The following ZNF148 variants were observed in gnomAD, a reference collection of about 807,000 sequenced individuals.
ZNF148 encodes the protein Beta-Enolase Repressor Factor-1.
In ZNF148, 7 loss-of-function variants were observed where a neutral mutation model predicts 67.7. That is an observed-to-expected ratio of 0.10 (90% CI 0.06 to 0.19). The LOEUF (loss-of-function observed/expected upper bound fraction) is 0.19. Among genes scored for constraint, ZNF148 ranks in the 10% least tolerant of loss-of-function variants. ZNF148 has a pLI of 1.00. For missense variants in ZNF148, 583 were observed against 947.1 expected, an observed-to-expected ratio of 0.62 and a Z score of 5.05; for synonymous variants, 333 against 330.7, an observed-to-expected ratio of 1.01 and a Z score of -0.08.
At chr3:125,310,485 A>G (rs1253619322) in intron 4 of ZNF148, among the ~76,000 whole-genome samples, 1 of 152,176 alleles carries the variant, frequency 6.6e-6, no homozygotes. Flanking sequence ...CTTAGAGGAA[A>G]ATTTATAGTA....
intron 4 of ZNF148, among the ~76,000 whole-genome samples, chr3:125,309,296 T>C (rs1198779186): frequency 6.6e-6 from 1 of 152,112 alleles, no homozygotes; most frequent in Non-Finnish European, 1.5e-5. Context: ...ATAACCCAGG[T>C]ATTGAGAACA....
chr3:125,354,227 T>C (rs1170446586), intron 1 of ZNF148, among the ~76,000 whole-genome samples: 3 of 152,094 alleles, frequency 2.0e-5, no homozygotes, highest in Non-Finnish European at 2.9e-5. Context: ...TTTAAGGAAA[T>C]CTTTGCTCAT....
At chr3:125,333,722 T>A (rs1308294152) in intron 1 of ZNF148, among the ~76,000 whole-genome samples, 1 of 152,240 alleles carries the variant, frequency 6.6e-6, no homozygotes, top group East Asian at 1.9e-4. Flanking sequence ...GGCTAAATAA[T>A]CTTTGATTAT....
chr3:125,349,919 A>G (rs1942076253), intron 1 of ZNF148, among the ~76,000 whole-genome samples: 2 of 152,234 alleles, frequency 1.3e-5, no homozygotes, highest in African/African-American at 4.8e-5. Flanking sequence ...AAAGAAAGAA[A>G]TCATTATACC....
chr3:125,368,396 A>G (rs1248449858), intron 1 of ZNF148, among the ~76,000 whole-genome samples: 1 of 152,216 alleles, frequency 6.6e-6, no homozygotes, highest in Non-Finnish European at 1.5e-5. Context: ...CTAACTAACT[A>G]CATGTGAAGC....
chr3:125,259,462 A>G (rs913724765), intron 7 of ZNF148, among the ~76,000 whole-genome samples: 2 of 152,250 alleles, frequency 1.3e-5, no homozygotes, highest in Non-Finnish European at 2.9e-5. Flanking sequence ...AACATTAAAC[A>G]TACAGGCATA....
At chr3:125,251,505 C>G (rs1390784947) in intron 7 of ZNF148, among the ~76,000 whole-genome samples, 1 of 152,192 alleles carries the variant, frequency 6.6e-6, no homozygotes, top group African/African-American at 2.4e-5. Flanking sequence ...AGAAGCACCT[C>G]CACCCCTTTT....
chr3:125,267,818 T>A (rs1937568550), intron 7 of ZNF148, among the ~76,000 whole-genome samples: 2 of 152,168 alleles, frequency 1.3e-5, no homozygotes, highest in Admixed American at 1.3e-4. Context: ...TGATTCAGTA[T>A]CTAGAAAGCC....
intron 5 of ZNF148, among the ~76,000 whole-genome samples, chr3:125,281,998 T>C (rs773017355): frequency 6.6e-5 from 10 of 152,204 alleles, no homozygotes; most frequent in Non-Finnish European, 1.5e-4. Context: ...TAGTGGAGAC[T>C]CTATACCTGT....
chr3:125,298,865 G>T (rs1370967942), intron 4 of ZNF148, among the ~76,000 whole-genome samples: 1 of 152,000 alleles, frequency 6.6e-6, no homozygotes, highest in African/African-American at 2.4e-5. Flanking sequence ...CTGACCTCGT[G>T]ATCCGTCCGC....
At chr3:125,336,188 C>T (rs1223421346) in intron 1 of ZNF148, among the ~76,000 whole-genome samples, 20 of 152,154 alleles carry the variant, frequency 1.3e-4, no homozygotes, top group South Asian at 4.1e-4. Flanking sequence ...AAAAAGGCTA[C>T]CTCTGCCCTT....
intron 1 of ZNF148, among the ~76,000 whole-genome samples, chr3:125,361,597 C>G (rs1942543827): frequency 6.6e-6 from 1 of 152,048 alleles, no homozygotes; most frequent in Non-Finnish European, 1.5e-5. Flanking sequence ...TTTAGGAGGC[C>G]AAAGCAGGTG....
intron 2 of ZNF148, among the ~76,000 whole-genome samples, chr3:125,326,950 A>G (rs1305879618): frequency 6.6e-6 from 1 of 151,298 alleles, no homozygotes; most frequent in African/African-American, 2.4e-5. Context: ...TGAATGGTCT[A>G]AATAGTCCAG....
chr3:125,227,463 A>C lies in ZNF148; in HGVS notation c.*4878T>G, dbSNP rs1935687279. 6.6e-6 allele frequency: 1 copy of C among 152,592 alleles called. No homozygotes were observed. The highest frequency in any genetic ancestry group is 1.5e-5 in the Non-Finnish European group (1 of 68,014). The allele number at this position is 152,592 out of a possible 1,614,324, so 9.5% of individuals were successfully genotyped here. On this transcript the variant is annotated 3_prime_UTR_variant, in exon 9 of 9. Transcript: ENST00000360647. ...CACCATCAGGATTTCCATCACACAC[A>C]TTTAATTTCTTCTGTACAATGTTTA...
intron 4 of ZNF148, chr3:125,310,961 G>A (rs965914709): frequency 5.0e-6 from 1 of 201,094 alleles, no homozygotes; most frequent in East Asian, 1.1e-4. Context: ...ATGCAGCTCC[G>A]TTTTGCCCCA....
intron 7 of ZNF148, among the ~76,000 whole-genome samples, chr3:125,268,608 A>G (rs1937593605): frequency 2.0e-5 from 3 of 152,216 alleles, no homozygotes. Flanking sequence ...AAATCCTGGA[A>G]GAAAACCTAG....
intron 1 of ZNF148, among the ~76,000 whole-genome samples, chr3:125,353,158 C>A (rs1011466720): frequency 2.0e-5 from 3 of 152,124 alleles, no homozygotes; most frequent in Admixed American, 1.3e-4. Context: ...ACTAAAAGTT[C>A]TTTAACAAGT....
At position 125,232,495 on chromosome 3, in the gene ZNF148, A is replaced by C; in HGVS notation, c.2231T>G (p.Ile744Arg). The change falls in exon 9 of 9, where the codon ATA becomes AGA. Residue 744 changes from isoleucine (I) to arginine (R), a missense_variant. Transcript: ENST00000360647. This position sits in a 1 kb window ranked among gnomAD's most constrained non-coding sequence, Gnocchi z 4.2. The part of the protein sequence containing the change: ...RAPYHGSRAG[I>R]ATQFSTANGQ... ...ATTGGCAGTGCTAAATTGAGTAGCT[A>C]TTCCAGCTCTTGATCCATGATAGGG... The C allele has an allele frequency of 6.2e-7, 1 of 1,613,698 alleles. No homozygotes were observed. Among genetic ancestry groups the C allele is most frequent in the Non-Finnish European group, 8.5e-7 (1 of 1,179,744 alleles).
rs114233873 is a variant in ZNF148 at position 125,240,819 on chromosome 3, C to T, written c.668-6490G>A. Among the ~76,000 whole-genome samples, 735 of 149,890 alleles carry T rather than the reference C, an allele frequency of 4.9e-3. 6 individuals carry two copies. Among genetic ancestry groups the T allele is most frequent in the African/African-American group, 0.017 (700 of 40,942 alleles). ...ACCAAAACAAAACCAGAAACATTAACGCCTTAAAAGTAATTTGTACAAATG... is the reference window on the plus strand; with the variant it reads ...ACCAAAACAAAACCAGAAACATTAATGCCTTAAAAGTAATTTGTACAAATG... On this transcript the variant is annotated intron_variant, in intron 7 of 8. Transcript: ENST00000360647.
Sources: gnomAD v4.1 joint callset for allele counts (sites outside exome capture counted in the v4.1 genomes callset) on GRCh38, gnomAD v4.1.1 for gene constraint, Gnocchi (gnomAD v3.1) non-coding constraint, MANE v1.5 for transcripts, NCBI Gene and HGNC (gene_info 2026-07-23, HGNC 2026-07-21) for gene names.